Variants in PTPRG observed in about 807,000 individuals in gnomAD.
The protein encoded by PTPRG is protein tyrosine phosphatase receptor type G, also known as receptor-type tyrosine-protein phosphatase gamma.
PTPRG carries 102 observed loss-of-function variants against 165.3 expected under a neutral mutation model. The observed-to-expected ratio is 0.62, with a 90% CI of 0.53 to 0.73. The LOEUF is 0.73. PTPRG is among the 30% of genes least tolerant of loss of function. PTPRG has a pLI of 0.00. For missense variants in PTPRG, 1,866 were observed against 1,861.4 expected, an observed-to-expected ratio of 1.00 and a Z score of -0.05; for synonymous variants, 675 against 669.5, an observed-to-expected ratio of 1.01 and a Z score of -0.13.
At chr3:61,968,897 T>C (rs1003308808) in intron 2 of PTPRG, among the ~76,000 whole-genome samples, 1 of 152,198 alleles carries the variant, frequency 6.6e-6, no homozygotes. Context: ...TTCTCATAGC[T>C]CACCTTTATT....
At chr3:61,651,757 C>T (rs1702359980) in intron 1 of PTPRG, among the ~76,000 whole-genome samples, 1 of 152,190 alleles carries the variant, frequency 6.6e-6, no homozygotes, top group Admixed American at 6.5e-5. Flanking sequence ...CGCCTGGAAT[C>T]CCAGCACTTT....
At chr3:62,005,690 CTTTTTTTTTTTTTTTT>C (rs35487954) in intron 4 of PTPRG, among the ~76,000 whole-genome samples, 3 of 60,306 alleles carry the variant, frequency 5.0e-5, no homozygotes, top group African/African-American at 2.3e-4. Flanking sequence ...CATTAATATC[CTTTTTTTTTTTTTTTT>C]TTTTTTTTTT....
intron 14 of PTPRG, 128 bp downstream of exon 14, chr3:62,231,439 C>G: frequency 1.7e-6 from 1 of 574,340 alleles, no homozygotes; most frequent in Non-Finnish European, 2.7e-6. Context: ...CCTGCTTTAC[C>G]TGAATTCCCA....
intron 8 of PTPRG, among the ~76,000 whole-genome samples, chr3:62,170,846 A>G (rs1023914242): frequency 1.3e-5 from 2 of 152,198 alleles, no homozygotes; most frequent in African/African-American, 4.8e-5. Flanking sequence ...GCACAGCTTG[A>G]TGAATTTTCA....
chr3:62,195,186 C>T lies in PTPRG; in HGVS notation c.1327+16C>T. The T allele has an allele frequency of 6.2e-7, 1 of 1,610,184 alleles. No homozygotes were observed. The highest frequency in any genetic ancestry group is 8.5e-7 in the Non-Finnish European group (1 of 1,176,400). ...CTGTTTCAAGGTGAGGCTGGCTTCC[C>T]CTCCTGTGGCCGGGGTGCCCCTGAG... On this transcript the variant is annotated intron_variant, in intron 10 of 29. Transcript: ENST00000474889. This position sits in a 1 kb window ranked among gnomAD's most constrained non-coding sequence, Gnocchi z 4.4.
At chr3:61,625,507 C>T (rs557587797) in intron 1 of PTPRG, among the ~76,000 whole-genome samples, 3 of 152,084 alleles carry the variant, frequency 2.0e-5, no homozygotes, top group Non-Finnish European at 2.9e-5. Context: ...TGGTAATGAT[C>T]GGCTCTTAGG....
At chr3:61,623,715 G>T (rs1472663321) in intron 1 of PTPRG, among the ~76,000 whole-genome samples, 1 of 152,104 alleles carries the variant, frequency 6.6e-6, no homozygotes, top group Non-Finnish European at 1.5e-5. Flanking sequence ...CTATAAATAG[G>T]CCTTCTATAA....
At chr3:61,673,137 A>C (rs1703092688) in intron 1 of PTPRG, among the ~76,000 whole-genome samples, 1 of 152,174 alleles carries the variant, frequency 6.6e-6, no homozygotes, top group African/African-American at 2.4e-5. Context: ...ACTCCAGCCT[A>C]GGCAACAGAG....
chr3:61,890,423 G>GTTTTTTTTTTTTTTTTTT (rs11328993), intron 2 of PTPRG, among the ~76,000 whole-genome samples: 5 of 119,222 alleles, frequency 4.2e-5, no homozygotes, highest in African/African-American at 1.3e-4. Context: ...TTTTTTTTTT[G>GTTTTTTTTTTTTTTTTTT]TTTTTTTTTT....
chr3:61,977,464 A>C (rs2040536908), intron 2 of PTPRG, among the ~76,000 whole-genome samples: 1 of 152,176 alleles, frequency 6.6e-6, no homozygotes, highest in South Asian at 2.1e-4. Flanking sequence ...TGACTTCCAG[A>C]AGTCATCATC....
chr3:61,696,459 A>T (rs983513324), intron 1 of PTPRG, among the ~76,000 whole-genome samples: 1 of 152,154 alleles, frequency 6.6e-6, no homozygotes, highest in East Asian at 1.9e-4. Flanking sequence ...CTGAGATCAC[A>T]CCATTGCACT....
intron 8 of PTPRG, 22 bp from the exon 9 acceptor site, chr3:62,191,431 TCTGAAAGCTCCCTGAG>T: frequency 6.3e-7 from 1 of 1,599,100 alleles, no homozygotes. Context: ...GGCGCATTGT[TCTGAAAGCTCCCTGAG>T]CTGAGCCCTG....
rs76540486 is a variant in PTPRG at position 61,832,869 on chromosome 3, C to T, written c.190+83887C>T. Among the ~76,000 whole-genome samples, 524 of 152,228 alleles carry T rather than the reference C, an allele frequency of 3.4e-3. 3 individuals carry two copies. Among genetic ancestry groups the T allele is most frequent in the African/African-American group, 0.012 (492 of 41,532 alleles). On this transcript the variant is annotated intron_variant, in intron 2 of 29. Transcript: ENST00000474889. ...CCTCGTCCTCTTCCCACCCTTTCCCCGCTGAGTCCCCAAAGTCCAGCGTTA... is the reference window on the plus strand; with the variant it reads ...CCTCGTCCTCTTCCCACCCTTTCCCTGCTGAGTCCCCAAAGTCCAGCGTTA...
intron 4 of PTPRG, among the ~76,000 whole-genome samples, chr3:62,024,941 G>A (rs1346594808): frequency 1.3e-5 from 2 of 152,106 alleles, no homozygotes; most frequent in African/African-American, 2.4e-5. Flanking sequence ...TCTGTCTTTC[G>A]AAGCAGGTTG....
intron 1 of PTPRG, among the ~76,000 whole-genome samples, chr3:61,735,502 T>C (rs1033981964): frequency 1.3e-5 from 2 of 150,366 alleles, no homozygotes; most frequent in African/African-American, 4.9e-5. Context: ...AGTGGTTGCC[T>C]GGGCAATACT....
intron 28 of PTPRG, among the ~76,000 whole-genome samples, chr3:62,288,035 A>G (rs1702735155): frequency 6.6e-6 from 1 of 152,040 alleles, no homozygotes; most frequent in African/African-American, 2.4e-5. Context: ...TAAATAATTC[A>G]TGCATCAAAG....
At chr3:62,047,395 G>C (rs1216920663) in intron 4 of PTPRG, among the ~76,000 whole-genome samples, 1 of 152,134 alleles carries the variant, frequency 6.6e-6, no homozygotes, top group Non-Finnish European at 1.5e-5. Context: ...AAGTAGCTGA[G>C]ACCACAAGCG....
At chr3:61,844,743 T>C (rs1378131503) in intron 2 of PTPRG, among the ~76,000 whole-genome samples, 11 of 151,878 alleles carry the variant, frequency 7.2e-5, no homozygotes, top group Non-Finnish European at 1.6e-4. Context: ...CCTCAAGCAG[T>C]CCTACCGCCT....
chr3:61,830,523 A>C (rs1278646351), intron 2 of PTPRG, among the ~76,000 whole-genome samples: 1 of 147,914 alleles, frequency 6.8e-6, no homozygotes, highest in African/African-American at 2.5e-5. Context: ...TGAATCTTCG[A>C]CTTACGACTT....
Sources: allele counts gnomAD v4.1 joint callset (sites outside exome capture counted in the v4.1 genomes callset), GRCh38; gene constraint gnomAD v4.1.1; non-coding constraint Gnocchi (gnomAD v3.1); transcripts MANE v1.5; gene names NCBI Gene and HGNC (gene_info 2026-07-23, HGNC 2026-07-21).